The following ERC2 variants were observed in gnomAD, a reference collection of about 807,000 sequenced individuals.
The protein encoded by ERC2 is ELKS/RAB6-interacting/CAST family member 2.
ERC2 carries 42 observed loss-of-function variants against 114.8 expected under a neutral mutation model. The observed-to-expected ratio is 0.37, with a 90% CI of 0.29 to 0.47. ERC2 has a LOEUF of 0.47. ERC2 is among the 20% of genes least tolerant of loss of function. The pLI is 0.99. For missense variants in ERC2, 939 were observed against 1,150.7 expected (o/e 0.82, Z 2.66); for synonymous variants, 454 against 425.5 (o/e 1.07, Z -0.82).
intron 3 of ERC2, among the ~76,000 whole-genome samples, chr3:56,254,564 CTG>C (rs1352379377): frequency 8.5e-5 from 13 of 152,212 alleles, no homozygotes; most frequent in African/African-American, 3.1e-4. Context: ...CCAGCTGACA[CTG>C]TTGCACATTT....
intron 4 of ERC2, among the ~76,000 whole-genome samples, chr3:56,161,120 G>A (rs1176575135): frequency 6.6e-6 from 1 of 152,124 alleles, no homozygotes; most frequent in Non-Finnish European, 1.5e-5. Context: ...CATGAGATCT[G>A]GTTGTTGAAA....
At chr3:56,354,725 G>T (rs750774139) in intron 2 of ERC2, among the ~76,000 whole-genome samples, 2 of 152,154 alleles carry the variant, frequency 1.3e-5, no homozygotes, top group Non-Finnish European at 2.9e-5. Context: ...AACACGGGAA[G>T]TGTCCAAGAG....
intron 3 of ERC2, among the ~76,000 whole-genome samples, chr3:56,252,439 C>T (rs547200206): frequency 2.0e-4 from 30 of 152,160 alleles, no homozygotes; most frequent in Middle Eastern, 6.8e-3. Context: ...CAAAGTATTA[C>T]GCATAAAATA....
chr3:56,060,158 G>A (rs1329589202), intron 7 of ERC2, among the ~76,000 whole-genome samples: 1 of 152,162 alleles, frequency 6.6e-6, no homozygotes, highest in East Asian at 1.9e-4. Flanking sequence ...AACGTCTTAT[G>A]TACATTTAAT....
At chr3:56,088,652 G>A (rs1487209768) in intron 6 of ERC2, among the ~76,000 whole-genome samples, 12 of 152,050 alleles carry the variant, frequency 7.9e-5, no homozygotes, top group Non-Finnish European at 1.5e-5. Flanking sequence ...CGGCTCAGGT[G>A]GGTATGTTTT....
intron 7 of ERC2, among the ~76,000 whole-genome samples, chr3:56,034,108 T>C (rs918142450): frequency 6.6e-6 from 1 of 152,192 alleles, no homozygotes; most frequent in Non-Finnish European, 1.5e-5. Flanking sequence ...AGGACACATA[T>C]AGGCTGAAAG....
intron 15 of ERC2, among the ~76,000 whole-genome samples, chr3:55,723,080 A>G (rs190872897): frequency 6.6e-6 from 1 of 152,332 alleles, no homozygotes; most frequent in East Asian, 1.9e-4. Flanking sequence ...AATCCCCAAA[A>G]CAGAATGGTA....
intron 17 of ERC2, among the ~76,000 whole-genome samples, chr3:55,567,020 GTA>G (rs150871217): frequency 6.6e-5 from 10 of 150,596 alleles, no homozygotes; most frequent in Non-Finnish European, 1.3e-4. Context: ...TTTTCAAAAT[GTA>G]TATATATATA....
chr3:55,788,214 A>C (rs546827905), intron 14 of ERC2, among the ~76,000 whole-genome samples: 1 of 152,168 alleles, frequency 6.6e-6, no homozygotes, highest in Non-Finnish European at 1.5e-5. Context: ...GCCAGTTCCA[A>C]TTGGGATGTA....
chr3:56,261,543 C>G (rs1398159172), intron 3 of ERC2, among the ~76,000 whole-genome samples: 1 of 152,196 alleles, frequency 6.6e-6, no homozygotes, highest in Admixed American at 6.5e-5. Flanking sequence ...CTCCTCTGGA[C>G]TCATCCTGTG....
At chr3:56,293,775 C>A (rs2055246002) in intron 3 of ERC2, among the ~76,000 whole-genome samples, 1 of 152,202 alleles carries the variant, frequency 6.6e-6, no homozygotes, top group Admixed American at 6.5e-5. Flanking sequence ...TAAACATGAT[C>A]TATATCCACA....
intron 2 of ERC2, among the ~76,000 whole-genome samples, chr3:56,424,275 T>A (rs374666825): frequency 0.029 from 4,402 of 150,942 alleles, 97 homozygotes; most frequent in African/African-American, 0.06. Flanking sequence ...ATACCCTGAT[T>A]TTTTTTTTTT....
At chr3:55,871,348 T>C (rs2062575253) in intron 14 of ERC2, among the ~76,000 whole-genome samples, 1 of 152,106 alleles carries the variant, frequency 6.6e-6, no homozygotes, top group Non-Finnish European at 1.5e-5. Flanking sequence ...GGTAAGCCAA[T>C]GTGATGCTTA....
intron 10 of ERC2, among the ~76,000 whole-genome samples, chr3:55,992,894 G>C (rs1351029656): frequency 6.6e-6 from 1 of 152,160 alleles, no homozygotes; most frequent in Non-Finnish European, 1.5e-5. Flanking sequence ...AGGAGGATGA[G>C]CTAATTCATG....
chr3:56,118,887 C>T (rs544385267), intron 6 of ERC2, among the ~76,000 whole-genome samples: 1 of 152,190 alleles, frequency 6.6e-6, no homozygotes, highest in South Asian at 2.1e-4. Context: ...CCACCCGCCT[C>T]GGCCTCCCAA....
Position 55,689,855 on chromosome 3 carries a change from C to T in ERC2, c.2848-5996G>A, listed in dbSNP as rs139297399. On this transcript the variant is annotated intron_variant, in intron 16 of 17. Transcript: ENST00000288221. Reference sequence around the variant, plus strand: ...AGAAAATGGGACTACCATATCCTGGCCCTGATGCTTCATAGGTTTGCTGTG... The same window carrying T: ...AGAAAATGGGACTACCATATCCTGGTCCTGATGCTTCATAGGTTTGCTGTG... Among the ~76,000 whole-genome samples, 277 of 151,944 alleles carry T rather than the reference C, an allele frequency of 1.8e-3. 2 individuals carry two copies. The highest frequency in any genetic ancestry group is 6.3e-3 in the African/African-American group (260 of 41,502).
intron 2 of ERC2, chr3:56,434,122 C>A: frequency 1.9e-6 from 1 of 516,422 alleles, no homozygotes; most frequent in African/African-American, 1.9e-5. Context: ...CCCCACCCCT[C>A]TCCCCATCTG....
chr3:55,654,847 G>A (rs1235915895), intron 17 of ERC2, among the ~76,000 whole-genome samples: 4 of 152,192 alleles, frequency 2.6e-5, no homozygotes, highest in African/African-American at 4.8e-5. Flanking sequence ...AGTGGGTGGT[G>A]GTGACCTGCT....
chr3:55,684,169 T>C (rs572965230), intron 16 of ERC2, among the ~76,000 whole-genome samples: 1 of 152,218 alleles, frequency 6.6e-6, no homozygotes. Flanking sequence ...GATTATTTTT[T>C]TGGAAAGCAT....
Sources: allele counts gnomAD v4.1 joint callset (sites outside exome capture counted in the v4.1 genomes callset), GRCh38; gene constraint gnomAD v4.1.1; transcripts MANE v1.5; gene names NCBI Gene and HGNC (gene_info 2026-07-23, HGNC 2026-07-21).